HCRTR2: variants seen among roughly 807,000 people sequenced by gnomAD.
HCRTR2 encodes orexin receptor type 2.
In HCRTR2, 22 loss-of-function variants were observed where a neutral mutation model predicts 49.0. The observed-to-expected ratio is 0.45, with a 90% CI of 0.32 to 0.64. HCRTR2 has a LOEUF of 0.64. Ranked by LOEUF, HCRTR2 falls within the 30% of genes least tolerant of loss-of-function variation. The probability of loss-of-function intolerance (pLI) is 0.04; values close to 1 mark genes in which losing one functional copy is unlikely to be tolerated. For missense variants in HCRTR2, 491 were observed against 559.4 expected (o/e 0.88, Z 1.23); for synonymous variants, 236 against 205.3 (o/e 1.15, Z -1.28).
At chr6:55,277,661 T>G in intron 5 of HCRTR2, 61 bp downstream of exon 5, 1 of 331,380 alleles carries the variant, frequency 3.0e-6, no homozygotes, top group East Asian at 9.4e-5. Flanking sequence ...CTTAATTAAC[T>G]TTTTTTTTTT....
chr6:55,188,526 A>G (rs1403280968), intron 1 of HCRTR2, among the ~76,000 whole-genome samples: 1 of 152,246 alleles, frequency 6.6e-6, no homozygotes, highest in Non-Finnish European at 1.5e-5. Flanking sequence ...CAACTGTAGC[A>G]GCAAAAGGTA....
At chr6:55,151,228 T>G (rs923538323) in intron 1 of HCRTR2, among the ~76,000 whole-genome samples, 19 of 151,958 alleles carry the variant, frequency 1.3e-4, no homozygotes, top group African/African-American at 4.3e-4. Context: ...GATTGACACT[T>G]ACTCTAACAA....
chr6:55,174,961 AAT>A (rs1765013633), intron 1 of HCRTR2, 151 bp downstream of exon 1: 1 of 623,124 alleles, frequency 1.6e-6, no homozygotes, highest in Admixed American at 2.9e-5. Context: ...TAATAATAAT[AAT>A]AGAAAGTTTT....
chr6:55,202,773 G>T (rs1765533833), intron 1 of HCRTR2, among the ~76,000 whole-genome samples: 1 of 151,828 alleles, frequency 6.6e-6, no homozygotes, highest in Non-Finnish European at 1.5e-5. Context: ...AGCCGGGGGA[G>T]GTTGGTAAAC....
At chr6:55,108,300 T>C (rs914231714) in intron 1 of HCRTR2, among the ~76,000 whole-genome samples, 1 of 151,968 alleles carries the variant, frequency 6.6e-6, no homozygotes. Flanking sequence ...GGGTGGAGAC[T>C]CACATTATGA....
intron 1 of HCRTR2, among the ~76,000 whole-genome samples, chr6:55,200,185 TCG>T (rs1040010936): frequency 1.3e-5 from 2 of 152,010 alleles, no homozygotes; most frequent in African/African-American, 4.8e-5. Flanking sequence ...CCTTAAAATG[TCG>T]TTTTTTTTTC....
At chr6:55,158,985 C>A (rs1188649360) in intron 1 of HCRTR2, among the ~76,000 whole-genome samples, 1 of 152,188 alleles carries the variant, frequency 6.6e-6, no homozygotes, top group Non-Finnish European at 1.5e-5. Context: ...TCAAGTGGGT[C>A]TCTGACCCCT....
chr6:55,187,411 C>CAAAAAAAAAAAAAAA (rs57619664), intron 1 of HCRTR2, among the ~76,000 whole-genome samples: 5 of 98,394 alleles, frequency 5.1e-5, no homozygotes, highest in Non-Finnish European at 8.1e-5. Context: ...GACTCCGTCT[C>CAAAAAAAAAAAAAAA]AAAAAAAAAA....
At chr6:55,264,090 C>A (rs1766819360) in intron 4 of HCRTR2, among the ~76,000 whole-genome samples, 1 of 151,904 alleles carries the variant, frequency 6.6e-6, no homozygotes. Context: ...AAGTACTTTA[C>A]ATTTTAAATA....
chr6:55,170,733 C>T (rs1402634848), upstream of HCRTR2, among the ~76,000 whole-genome samples: 26 of 8,948 alleles, frequency 2.9e-3, 1 homozygote, highest in Admixed American at 4.8e-3. Flanking sequence ...TCCCTCCCCC[C>T]TCCCCCACCC....
intron 1 of HCRTR2, among the ~76,000 whole-genome samples, chr6:55,199,193 A>G (rs1765468047): frequency 6.6e-6 from 1 of 152,060 alleles, no homozygotes; most frequent in Admixed American, 6.6e-5. Flanking sequence ...ACAAATGTTG[A>G]GGAAGAATTT....
intron 1 of HCRTR2, among the ~76,000 whole-genome samples, chr6:55,158,395 G>A (rs948117791): frequency 4.6e-5 from 7 of 152,178 alleles, no homozygotes; most frequent in South Asian, 2.1e-4. Context: ...GGCAGGCACC[G>A]AGCTAGCTGC....
At chr6:55,183,031 T>C (rs1397728098) in intron 1 of HCRTR2, among the ~76,000 whole-genome samples, 1 of 152,204 alleles carries the variant, frequency 6.6e-6, no homozygotes, top group Non-Finnish European at 1.5e-5. Flanking sequence ...TCTCTGACAA[T>C]AGAGGCAATT....
At chr6:55,248,089 T>C (rs1336913321) in intron 1 of HCRTR2, among the ~76,000 whole-genome samples, 2 of 152,116 alleles carry the variant, frequency 1.3e-5, no homozygotes, top group Admixed American at 1.3e-4. Context: ...CTTAAGATTG[T>C]TGTCAGCATT....
intron 1 of HCRTR2, among the ~76,000 whole-genome samples, chr6:55,167,433 A>G (rs748757256): frequency 1.3e-5 from 2 of 152,114 alleles, no homozygotes; most frequent in East Asian, 3.9e-4. Context: ...GTGGAAAATC[A>G]GAACACATGC....
intron 1 of HCRTR2, among the ~76,000 whole-genome samples, chr6:55,111,295 G>C (rs960207144): frequency 1.3e-5 from 2 of 151,846 alleles, no homozygotes; most frequent in Non-Finnish European, 2.9e-5. Context: ...CCCAAACCTA[G>C]CAAAAGAAAA....
chr6:55,203,019 T>G (rs1219602129), intron 1 of HCRTR2, among the ~76,000 whole-genome samples: 1 of 152,162 alleles, frequency 6.6e-6, no homozygotes, highest in Non-Finnish European at 1.5e-5. Context: ...AAACACTGCT[T>G]TAAAAAGCCA....
intron 1 of HCRTR2, among the ~76,000 whole-genome samples, chr6:55,175,281 G>A (rs975395195): frequency 6.6e-6 from 1 of 152,168 alleles, no homozygotes; most frequent in African/African-American, 2.4e-5. Context: ...CAAAGCATTT[G>A]TGAGCTAGGT....
chr6:55,130,968 A>C (rs1241771054), intron 1 of HCRTR2, among the ~76,000 whole-genome samples: 4 of 151,884 alleles, frequency 2.6e-5, no homozygotes, highest in Non-Finnish European at 5.9e-5. Context: ...AAGGAACTGG[A>C]AAGAACTAGA....
Sources: gnomAD v4.1 joint callset for allele counts (sites outside exome capture counted in the v4.1 genomes callset) on GRCh38, gnomAD v4.1.1 for gene constraint, MANE v1.5 for transcripts, NCBI Gene and HGNC (gene_info 2026-07-23, HGNC 2026-07-21) for gene names.